The following GSTM2 variants were observed in gnomAD, a reference collection of about 807,000 sequenced individuals.
GSTM2 encodes glutathione S-transferase mu 2.
In GSTM2, 33 loss-of-function variants were observed where a neutral mutation model predicts 33.3. The observed-to-expected ratio is 0.99, with a 90% CI of 0.75 to 1.33. The LOEUF (loss-of-function observed/expected upper bound fraction) is 1.33, where lower values mean the gene tolerates loss of function less well. GSTM2 is among the 40% of genes most tolerant of loss of function. The pLI, the probability that GSTM2 is intolerant of heterozygous loss-of-function variation, is 0.00. For missense variants in GSTM2, 213 were observed against 265.8 expected (o/e 0.80, Z 1.38); for synonymous variants, 93 against 95.6 (o/e 0.97, Z 0.16).
intron 7 of GSTM2, chr1:109,673,484 A>AAGAGATCTG: frequency 2.0e-6 from 1 of 512,096 alleles, no homozygotes; most frequent in South Asian, 2.1e-5. Context: ...ACTCCCCATC[A>AAGAGATCTG]AGAGATCTGC....
rs771123857 is a variant in GSTM2, at chr1:109,669,572, G to GT, written c.360+2dup. The GT allele has an allele frequency of 4.4e-6, 7 of 1,582,586 alleles. No individual in the cohort carries two copies. The South Asian group carries it at 6.6e-5, about 15-fold the overall frequency. On this transcript the variant is annotated splice_donor_variant, in intron 5 of 7. Transcript: ENST00000241337. LOFTEE classifies it high-confidence loss of function. The stretch of plus-strand genomic sequence containing the variant: ...CAAACTCTGCTATGACCCAGATTTT[G>GT]TAAGTCCCCCCACCCCACTCCCAGT...
intron 7 of GSTM2, chr1:109,673,488 G>A: frequency 2.0e-6 from 1 of 505,374 alleles, no homozygotes. Flanking sequence ...CCCATCAAGA[G>A]ATCTGCTTGC....
In GSTM2 at chr1:109,669,454, C is replaced by G. The variant is rs745606161; in HGVS notation, c.260-17C>G. 36 of 1,613,690 alleles carry G rather than the reference C, an allele frequency of 2.2e-5. 1 individual carries two copies. The South Asian group carries it at 3.8e-4, about 17-fold the overall frequency. On this transcript the variant is annotated splice_polypyrimidine_tract_variant and intron_variant, in intron 4 of 7. Transcript: ENST00000241337. ...CTGGGCTGTGAGGCTGAGAGTGAAT[C>G]TGCTTTACGAGGGTAGGCGGGGAAT...
chr1:109,677,326 T>G (rs1647730440), downstream of GSTM2, among the ~76,000 whole-genome samples: 1 of 152,178 alleles, frequency 6.6e-6, no homozygotes, highest in Non-Finnish European at 1.5e-5. Context: ...TCCTAATGGA[T>G]TCCAAGAACC....
chr1:109,678,211 C>G (rs905604899), downstream of GSTM2, among the ~76,000 whole-genome samples: 1 of 152,150 alleles, frequency 6.6e-6, no homozygotes, highest in African/African-American at 2.4e-5. Flanking sequence ...GTGGTGCAAT[C>G]TCAGCTCACT....
At chr1:109,678,340 A>T (rs950246723), downstream of GSTM2, among the ~76,000 whole-genome samples, 1 of 151,908 alleles carries the variant, frequency 6.6e-6, no homozygotes. Flanking sequence ...TTTTGCCATG[A>T]TGGCCAGGCT....
chr1:109,670,166 ATTTTACAGAGTGCTGATTGGTCCG>A (rs1278327816), intron 5 of GSTM2: 1 of 57,002 alleles, frequency 1.8e-5, no homozygotes, highest in Non-Finnish European at 3.7e-5. Context: ...TGATTGGTCC[ATTTTACAGAGTGCTGATTGGTCCG>A]TTTTACAGAG....
At position 109,668,426 on chromosome 1, in the gene GSTM2, T is replaced by G. The variant is rs1472238719; in HGVS notation, c.38T>G (p.Leu13Arg). ...CGAGCTGTGGGCCATCTCTCCCAGCTGGCCCATTCCATCCGCCTGCTCCTG... is the reference window on the plus strand; with the variant it reads ...CGAGCTGTGGGCCATCTCTCCCAGCGGGCCCATTCCATCCGCCTGCTCCTG... ...MTLGYWNIRG[L>R]AHSIRLLLEY... is the part of the protein sequence containing the mutation. Residue 13 changes from leucine to arginine, a missense_variant and splice_region_variant, in exon 2 of 8, where the codon CTG (leucine) becomes CGG (arginine). Leu to Arg is a moderately radical substitution (Grantham distance 102, BLOSUM62 -2). Transcript: ENST00000241337. 6.2e-7 allele frequency: 1 copy of G among 1,614,080 alleles called. No homozygotes were observed. Among genetic ancestry groups the G allele is most frequent in the Admixed American group, 1.7e-5 (1 of 60,026 alleles).
intron 7 of GSTM2, among the ~76,000 whole-genome samples, chr1:109,672,422 T>C (rs1199507523): frequency 6.6e-6 from 1 of 152,210 alleles, no homozygotes; most frequent in East Asian, 1.9e-4. Context: ...ATCTCCCCCA[T>C]TTTAGAGACA....
At chr1:109,673,374 G>GCTCTCAAACAAGTTC in intron 7 of GSTM2, 1 of 1,231,470 alleles carries the variant, frequency 8.1e-7, no homozygotes, top group Non-Finnish European at 1.1e-6. Context: ...AGTGTGTGCT[G>GCTCTCAAACAAGTTC]AACTTGTTTG....
downstream of GSTM2, among the ~76,000 whole-genome samples, chr1:109,678,598 TA>T (rs1334583156): frequency 6.6e-6 from 1 of 151,860 alleles, no homozygotes; most frequent in African/African-American, 2.4e-5. Context: ...ATATCAAAAT[TA>T]TTTTTTTTTG....
intron 7 of GSTM2, among the ~76,000 whole-genome samples, chr1:109,674,422 A>G (rs1647647336): frequency 6.6e-6 from 1 of 152,150 alleles, no homozygotes. Flanking sequence ...CACATGACAA[A>G]TGGTGATAAT....
chr1:109,669,404 G>C, intron 4 of GSTM2, 33 bp downstream of exon 4: 2 of 1,613,074 alleles, frequency 1.2e-6, no homozygotes, highest in East Asian at 4.5e-5. Flanking sequence ...TGCGGGGAGG[G>C]ACCGTGGCCT....
chr1:109,668,618 C>T (rs1647418182), intron 2 of GSTM2, 118 bp downstream of exon 2: 1 of 1,201,316 alleles, frequency 8.3e-7, no homozygotes, highest in Non-Finnish European at 1.2e-6. Context: ...GCAGGCTGTC[C>T]CTTCCCTGAG....
intron 7 of GSTM2, among the ~76,000 whole-genome samples, chr1:109,672,508 G>A (rs1403593304): frequency 6.6e-6 from 1 of 152,176 alleles, no homozygotes; most frequent in Non-Finnish European, 1.5e-5. Context: ...GGCTCCCTGC[G>A]AGCCTCTGGA....
chr1:109,678,165 G>A (rs1647751229), downstream of GSTM2, among the ~76,000 whole-genome samples: 1 of 151,798 alleles, frequency 6.6e-6, no homozygotes, highest in Non-Finnish European at 1.5e-5. Context: ...TTTTTTTTGA[G>A]ACAGAGGCTC....
intron 4 of GSTM2, 26 bp downstream of exon 4, chr1:109,669,397 G>A (rs369798182): frequency 2.5e-6 from 4 of 1,613,968 alleles, no homozygotes; most frequent in East Asian, 2.2e-5. Flanking sequence ...TGCAAGATGC[G>A]GGGAGGGACC....
downstream of GSTM2, among the ~76,000 whole-genome samples, chr1:109,675,697 T>C (rs1647687996): frequency 6.6e-6 from 1 of 152,122 alleles, no homozygotes; most frequent in Non-Finnish European, 1.5e-5. Context: ...CTCTATTGTT[T>C]TTCTCAGATG....
chr1:109,673,272 G>A, intron 7 of GSTM2: 1 of 1,609,594 alleles, frequency 6.2e-7, no homozygotes, highest in South Asian at 1.1e-5. Context: ...TCTGCATGAG[G>A]CAGGGTGTGA....
Sources: allele counts gnomAD v4.1 joint callset (sites outside exome capture counted in the v4.1 genomes callset), GRCh38; gene constraint gnomAD v4.1.1; transcripts MANE v1.5; gene names NCBI Gene and HGNC (gene_info 2026-07-23, HGNC 2026-07-21).